Variants in VIPR2 observed in about 807,000 individuals in gnomAD.
VIPR2 encodes the protein vasoactive intestinal peptide receptor 2.
VIPR2 carries 48 observed loss-of-function variants against 58.0 expected under a neutral mutation model. That is an observed-to-expected ratio of 0.83 (90% CI 0.66 to 1.05). The LOEUF is 1.05. VIPR2 is among the 50% of genes least tolerant of loss of function. The pLI is 0.00. For synonymous variants in VIPR2, 243 were observed against 235.2 expected, an observed-to-expected ratio of 1.03 and a Z score of -0.30; for missense variants, 534 against 558.0, an observed-to-expected ratio of 0.96 and a Z score of 0.43.
In VIPR2 at chr7:159,101,435, G is replaced by A. The variant is rs536475838; in HGVS notation, c.357+2322C>T. Among the ~76,000 whole-genome samples the A allele has an allele frequency of 6.4e-4, 84 of 130,296 alleles. 3 individuals carry two copies. Among genetic ancestry groups the A allele is most frequent in the African/African-American group, 2.3e-3 (76 of 32,556 alleles). 85.5% of individuals were successfully genotyped at this position (130,296 alleles called of 152,430 possible). A position where few individuals can be genotyped will look rare whatever the true frequency, so the allele number is the denominator to read the frequency against. ...CGGGTCTCACGAGATCCGACGAGGC[G>A]GTTCCGACTGTTCCTGTGGTAGTGA... On this transcript the variant is annotated intron_variant, in intron 4 of 12. Transcript: ENST00000262178.
intron 4 of VIPR2, among the ~76,000 whole-genome samples, chr7:159,067,094 G>A (rs914730053): frequency 2.9e-4 from 44 of 152,168 alleles, no homozygotes; most frequent in African/African-American, 8.7e-4. Flanking sequence ...TGGTGCTCAC[G>A]GTCACATGTG....
intron 4 of VIPR2, among the ~76,000 whole-genome samples, chr7:159,062,765 G>A (rs948497947): frequency 1.3e-5 from 2 of 152,136 alleles, no homozygotes; most frequent in Non-Finnish European, 2.9e-5. Flanking sequence ...TACAGGCTCC[G>A]GCCGCCTGCT....
intron 4 of VIPR2, among the ~76,000 whole-genome samples, chr7:159,069,375 G>C (rs182348916): frequency 2.5e-4 from 38 of 152,274 alleles, no homozygotes; most frequent in Non-Finnish European, 5.1e-4. Context: ...TCCTGGGAAC[G>C]AACGGCTGTA....
rs1272613920 is a variant in VIPR2, at chr7:159,093,479, A to G, written c.357+10278T>C. Among the ~76,000 whole-genome samples the G allele has an allele frequency of 6.6e-6, 1 of 152,146 alleles. No homozygotes were observed. Among genetic ancestry groups the G allele is most frequent in the Non-Finnish European group, 1.5e-5 (1 of 68,026 alleles). ...CTGCCGGAAGTGAGGAGCCTCTCCA[A>G]CTCACTCAGGGGAGATTTTTAAAAA... is the stretch of plus-strand genomic sequence containing the variant. On this transcript the variant is annotated intron_variant, in intron 4 of 12. Transcript: ENST00000262178. The surrounding 1 kb of genome is among the most constrained non-coding windows in gnomAD (Gnocchi z 6.7).
chr7:159,139,775 A>G (rs190306299), intron 2 of VIPR2, among the ~76,000 whole-genome samples: 48 of 152,334 alleles, frequency 3.2e-4, no homozygotes, highest in African/African-American at 1.1e-3. Flanking sequence ...CGCGGGTGTA[A>G]GAATGATATA....
intron 4 of VIPR2, among the ~76,000 whole-genome samples, chr7:159,062,674 GATTT>G (rs775276341): frequency 2.2e-4 from 15 of 67,858 alleles, no homozygotes; most frequent in Non-Finnish European, 6.2e-4. Flanking sequence ...GCAGCAGCAA[GATTT>G]ACTGCAGCAA....
At chr7:159,032,509 C>T (rs1853657988) in intron 10 of VIPR2, among the ~76,000 whole-genome samples, 1 of 152,232 alleles carries the variant, frequency 6.6e-6, no homozygotes, top group African/African-American at 2.4e-5. Context: ...CCCGGACCTG[C>T]AGCTCGTAAC....
At chr7:159,062,741 C>T (rs1855778636) in intron 4 of VIPR2, among the ~76,000 whole-genome samples, 1 of 152,180 alleles carries the variant, frequency 6.6e-6, no homozygotes, top group Non-Finnish European at 1.5e-5. Flanking sequence ...TAAGGAGACC[C>T]AGTGAATTGT....
Position 159,096,037 on chromosome 7 carries a change from C to G in VIPR2, c.357+7720G>C, listed in dbSNP as rs184020833. On this transcript the variant is annotated intron_variant, in intron 4 of 12. Transcript: ENST00000262178. This position sits in a 1 kb window ranked among gnomAD's most constrained non-coding sequence, Gnocchi z 5.5. Reference sequence around the variant, plus strand: ...CGCACACCTTCTCAGAACCAGCGCCCCTGCCCCACCCACCTGTGGAGCCCA... The same window carrying G: ...CGCACACCTTCTCAGAACCAGCGCCGCTGCCCCACCCACCTGTGGAGCCCA... Among the ~76,000 whole-genome samples the G allele has an allele frequency of 1.6e-3, 248 of 152,290 alleles. 5 individuals carry two copies. In the East Asian group the frequency reaches 0.032, roughly 19 times the overall value.
At position 159,112,391 on chromosome 7, in the gene VIPR2, G is replaced by A. The variant is rs151053073; in HGVS notation, c.152-2472C>T. Among the ~76,000 whole-genome samples the A allele has an allele frequency of 1.4e-3, 210 of 152,350 alleles. 1 individual carries two copies. The highest frequency in any genetic ancestry group is 6.8e-3 in the East Asian group (35 of 5,168). On this transcript the variant is annotated intron_variant, in intron 2 of 12. Transcript: ENST00000262178. ...CGGAAGCGCTGCCACAGTGCCGGTC[G>A]CACACGTGGCACTGGCTGCAACCTC...
intron 4 of VIPR2, among the ~76,000 whole-genome samples, chr7:159,063,863 C>T (rs189401060): frequency 0.036 from 890 of 24,534 alleles, 51 homozygotes; most frequent in East Asian, 0.071. Context: ...TGGTGGGTTC[C>T]GGGGGTCCTG....
chr7:159,043,651 C>T (rs944835457), intron 5 of VIPR2, among the ~76,000 whole-genome samples: 22 of 152,156 alleles, frequency 1.4e-4, no homozygotes, highest in Non-Finnish European at 2.5e-4. Context: ...TCCACCCCAC[C>T]CCAACATGGT....
intron 5 of VIPR2, among the ~76,000 whole-genome samples, chr7:159,043,788 G>A (rs767324282): frequency 5.9e-5 from 9 of 152,178 alleles, no homozygotes; most frequent in East Asian, 1.9e-4. Flanking sequence ...CTAAGATTCC[G>A]CGGGCTGAGA....
At chr7:159,114,611 G>C (rs1796164306) in intron 2 of VIPR2, among the ~76,000 whole-genome samples, 1 of 152,040 alleles carries the variant, frequency 6.6e-6, no homozygotes, top group Admixed American at 6.6e-5. Flanking sequence ...AAAATAATGA[G>C]ACTCCCTTAA....
At chr7:159,088,928 C>T (rs1486976629) in intron 4 of VIPR2, among the ~76,000 whole-genome samples, 1 of 16,106 alleles carries the variant, frequency 6.2e-5, no homozygotes, top group Non-Finnish European at 1.2e-4. Flanking sequence ...TAGCCTCAGG[C>T]CTCGGCTCCT....
chr7:159,064,210 G>C (rs1409146916), intron 4 of VIPR2, among the ~76,000 whole-genome samples: 2 of 151,974 alleles, frequency 1.3e-5, no homozygotes, highest in Non-Finnish European at 2.9e-5. Context: ...CCCACGCGCC[G>C]GGCCAGGAGG....
chr7:159,139,512 G>C (rs1797374558), intron 2 of VIPR2, among the ~76,000 whole-genome samples: 1 of 152,222 alleles, frequency 6.6e-6, no homozygotes, highest in African/African-American at 2.4e-5. Flanking sequence ...TAGCCTGCAA[G>C]TGGGGAATGA....
intron 2 of VIPR2, among the ~76,000 whole-genome samples, chr7:159,125,783 A>G (rs931138282): frequency 1.3e-5 from 2 of 151,976 alleles, no homozygotes; most frequent in Non-Finnish European, 1.5e-5. Context: ...CAGGGCCATC[A>G]TTTCCCAGCC....
intron 2 of VIPR2, among the ~76,000 whole-genome samples, chr7:159,118,547 T>G (rs753895657): frequency 7.1e-4 from 108 of 152,080 alleles, no homozygotes; most frequent in Non-Finnish European, 1.4e-3. Context: ...GTGTTTACGG[T>G]GAATGAGACG....
Sources: allele counts gnomAD v4.1 joint callset (sites outside exome capture counted in the v4.1 genomes callset), GRCh38; gene constraint gnomAD v4.1.1; non-coding constraint Gnocchi (gnomAD v3.1); transcripts MANE v1.5; gene names NCBI Gene and HGNC (gene_info 2026-07-23, HGNC 2026-07-21).